PTP4A2: variants seen among roughly 807,000 people sequenced by gnomAD.
PTP4A2 encodes the protein protein tyrosine phosphatase 4A2.
PTP4A2 carries 2 observed loss-of-function variants against 22.9 expected under a neutral mutation model. That is an observed-to-expected ratio of 0.09 (90% CI 0.04 to 0.27). PTP4A2 has a LOEUF of 0.27. Among genes scored for constraint, PTP4A2 ranks in the 10% least tolerant of loss-of-function variants. PTP4A2 has a pLI of 1.00. For missense variants in PTP4A2, 103 were observed against 205.1 expected, an observed-to-expected ratio of 0.50 and a Z score of 3.04; for synonymous variants, 68 against 69.1, an observed-to-expected ratio of 0.98 and a Z score of 0.08.
intron 3 of PTP4A2, chr1:31,914,509 C>T (rs1399868780): frequency 6.7e-6 from 2 of 298,768 alleles, no homozygotes; most frequent in Non-Finnish European, 1.3e-5. Context: ...TTCCCAACCA[C>T]TGACCAATAT....
At chr1:31,927,400 G>C (rs1652515192) in intron 1 of PTP4A2, among the ~76,000 whole-genome samples, 2 of 152,068 alleles carry the variant, frequency 1.3e-5, no homozygotes, top group Admixed American at 1.3e-4. Context: ...TACTTATCAG[G>C]TACTATGCTT....
At chr1:31,918,887 T>C (rs532002699) in intron 2 of PTP4A2, 83 bp downstream of exon 2, 2 of 820,132 alleles carry the variant, frequency 2.4e-6, no homozygotes, top group Admixed American at 3.9e-5. Flanking sequence ...AAATACAGAA[T>C]AAATGGCTTT....
rs1553208800 is a variant in PTP4A2, at chr1:31,906,735, T to TGC, written c.*2115_*2116dup. The TGC allele has an allele frequency of 1.5e-5, 2 of 136,194 alleles. No individual in the cohort carries two copies. Among genetic ancestry groups the TGC allele is most frequent in the East Asian group, 2.2e-4 (1 of 4,558 alleles). 8.4% of individuals were successfully genotyped at this position (136,194 alleles called of 1,614,324 possible). On this transcript the variant is annotated 3_prime_UTR_variant, in exon 6 of 6. Coordinates refer to ENST00000647444, the MANE Select transcript of PTP4A2 (RefSeq NM_080391.4). ...CACTGATACTGATGGACACTGCGCGTGCACACACACACACACACATACACA... is the reference window on the plus strand; with the variant it reads ...CACTGATACTGATGGACACTGCGCGTGCGCACACACACACACACACATACACA...
chr1:31,935,236 G>A (rs779501864), intron 1 of PTP4A2, among the ~76,000 whole-genome samples: 1 of 151,890 alleles, frequency 6.6e-6, no homozygotes, highest in Non-Finnish European at 1.5e-5. Context: ...CTTCCCTCAC[G>A]CAGACATATC....
intron 3 of PTP4A2, 25 bp downstream of exon 3, chr1:31,915,870 A>C: frequency 6.7e-7 from 1 of 1,483,154 alleles, no homozygotes; most frequent in Non-Finnish European, 9.2e-7. Flanking sequence ...ACTTGTTTTG[A>C]AAAATTTAAA....
chr1:31,917,286 A>G (rs1486734784), intron 2 of PTP4A2, among the ~76,000 whole-genome samples: 1 of 152,240 alleles, frequency 6.6e-6, no homozygotes, highest in Non-Finnish European at 1.5e-5. Context: ...TTATAAGTAT[A>G]AATAAGCAGG....
At chr1:31,917,947 CAAAA>C (rs56791050) in intron 2 of PTP4A2, among the ~76,000 whole-genome samples, 2 of 81,396 alleles carry the variant, frequency 2.5e-5, no homozygotes, top group African/African-American at 4.7e-5. Flanking sequence ...CACTCCGTCT[CAAAA>C]AAAAAAAAAA....
intron 1 of PTP4A2, among the ~76,000 whole-genome samples, chr1:31,928,629 G>C (rs998204944): frequency 6.7e-6 from 1 of 149,510 alleles, no homozygotes; most frequent in Non-Finnish European, 1.5e-5. Flanking sequence ...CCTGGGAGGC[G>C]GAAGTTGCAG....
chr1:31,913,691 A>C (rs890182903), intron 3 of PTP4A2: 1 of 385,802 alleles, frequency 2.6e-6, no homozygotes, highest in Non-Finnish European at 5.1e-6. Context: ...ACAAAAACCT[A>C]AATTTAAAGG....
chr1:31,914,395 CTATT>C (rs61601948), intron 3 of PTP4A2: 17,821 of 390,804 alleles, frequency 0.046, 550 homozygotes, highest in Middle Eastern at 0.1. Flanking sequence ...ACACATTTGG[CTATT>C]TAGTTTTTAT....
chr1:31,909,072 G>A, intron 5 of PTP4A2, 112 bp from the exon 6 acceptor site: 2 of 765,460 alleles, frequency 2.6e-6, no homozygotes, highest in Non-Finnish European at 4.4e-6. Flanking sequence ...CTGAAAACCA[G>A]CATATTTCCC....
intron 3 of PTP4A2, among the ~76,000 whole-genome samples, chr1:31,912,629 T>C (rs1266290938): frequency 6.6e-6 from 1 of 152,064 alleles, no homozygotes; most frequent in Non-Finnish European, 1.5e-5. Context: ...CCAACACAAA[T>C]GGGGAGTGGA....
intron 1 of PTP4A2, among the ~76,000 whole-genome samples, chr1:31,920,489 CTCAAA>C (rs1444756171): frequency 1.3e-5 from 2 of 150,600 alleles, no homozygotes; most frequent in East Asian, 3.9e-4. Flanking sequence ...TTACTTTTAA[CTCAAA>C]TAATTTTTAA....
Position 31,916,004 on chromosome 1 carries a change from AAT to A in PTP4A2, c.97-19_97-18del. 1 of 1,511,086 alleles carries A rather than the reference AAT, an allele frequency of 6.6e-7. No homozygotes were observed. Among genetic ancestry groups the A allele is most frequent in the Non-Finnish European group, 9.0e-7 (1 of 1,113,720 alleles). 93.6% of individuals were successfully genotyped at this position (1,511,086 alleles called of 1,614,324 possible). ...CTTAAGTTCCTTTAAAAAAAAAAAA[AAT>A]TATAATGGAACTTGTTTTTGAAACC... On this transcript the variant is annotated intron_variant, in intron 2 of 5. Transcript: ENST00000647444.
In PTP4A2 at chr1:31,923,303, C is replaced by G. The variant is rs72890912; in HGVS notation, c.-593-3645G>C. 3.8e-3 allele frequency among the ~76,000 whole-genome samples: 570 copies of G among 149,808 alleles called. 4 individuals are homozygous for G. The highest frequency in any genetic ancestry group is 0.013 in the African/African-American group (514 of 40,820). The stretch of plus-strand genomic sequence containing the variant: ...CTCACGGCAACCTCAAACTTCTGGG[C>G]ACAAGTGATCCTTCTGCCTCAACCT... On this transcript the variant is annotated intron_variant, in intron 1 of 5. Coordinates refer to ENST00000647444, the MANE Select transcript of PTP4A2 (RefSeq NM_080391.4).
At chr1:31,923,308 G>C (rs1652282487) in intron 1 of PTP4A2, among the ~76,000 whole-genome samples, 1 of 147,088 alleles carries the variant, frequency 6.8e-6, no homozygotes, top group Non-Finnish European at 1.5e-5. Flanking sequence ...CTGGGCACAA[G>C]TGATCCTTCT....
In PTP4A2 at chr1:31,919,060, G is replaced by A. The variant is rs267598551; in HGVS notation, c.6C>T (p.Asn2=). The A allele has an allele frequency of 1.3e-6, 2 of 1,575,968 alleles. No individual in the cohort carries two copies. The highest frequency in any genetic ancestry group is 2.2e-5 in the East Asian group (1 of 44,556). Residue 2 remains asparagine, a synonymous_variant, in exon 2 of 6, where the codon AAC becomes AAT. Transcript: ENST00000647444. ...AGGAGATCTCCACAGGGGCTGGACG[G>A]TTCATTATGGCAAATAAAAAGTGTG... The part of the protein sequence containing the change: M[N]RPAPVEISYE...
chr1:31,933,479 C>A (rs1652809429), intron 1 of PTP4A2, among the ~76,000 whole-genome samples: 1 of 152,200 alleles, frequency 6.6e-6, no homozygotes, highest in South Asian at 2.1e-4. Flanking sequence ...ATAATCAAAT[C>A]CCAGTACTTT....
Position 31,908,132 on chromosome 1 carries a change from ATATTATAT to A in PTP4A2, c.*712_*719del, listed in dbSNP as rs1557858766. On this transcript the variant is annotated 3_prime_UTR_variant, in exon 6 of 6. Transcript: ENST00000647444. ...CTGGAAAATATATATATATATATAT[ATATTATAT>A]TATATATATATATATATATATATAT... 14 of 566 alleles carry A rather than the reference ATATTATAT, an allele frequency of 0.025. No homozygotes were observed. The highest frequency in any genetic ancestry group is 0.056 in the South Asian group (1 of 18). 0.0% of individuals were successfully genotyped at this position (566 alleles called of 1,614,324 possible). A position where few individuals can be genotyped will look rare whatever the true frequency, so the allele number is the denominator to read the frequency against.
Sources: gnomAD v4.1 joint callset for allele counts (sites outside exome capture counted in the v4.1 genomes callset) on GRCh38, gnomAD v4.1.1 for gene constraint, MANE v1.5 for transcripts, NCBI Gene and HGNC (gene_info 2026-07-23, HGNC 2026-07-21) for gene names.